THBS2: variants seen among roughly 807,000 people sequenced by gnomAD.
THBS2 encodes thrombospondin-2.
In THBS2, 47 loss-of-function variants were observed where a neutral mutation model predicts 135.2. The ratio of observed to expected loss-of-function variants is 0.35; its 90% confidence interval spans 0.28 to 0.44. THBS2 has a LOEUF of 0.44. Among genes scored for constraint, THBS2 ranks in the 20% least tolerant of loss-of-function variants. The pLI is 1.00. For missense variants in THBS2, 1,288 were observed against 1,603.1 expected (o/e 0.80, Z 3.36); for synonymous variants, 639 against 633.8 (o/e 1.01, Z -0.12).
intron 13 of THBS2, 99 bp downstream of exon 13, chr6:169,231,881 C>T (rs1779847335): frequency 2.3e-6 from 3 of 1,318,604 alleles, no homozygotes; most frequent in South Asian, 1.4e-5. Flanking sequence ...CTTCCAAATT[C>T]CCTGTGCTGC....
chr6:169,220,685 T>C (rs1779392663), intron 20 of THBS2, among the ~76,000 whole-genome samples: 1 of 152,202 alleles, frequency 6.6e-6, no homozygotes, highest in African/African-American at 2.4e-5. Context: ...CTACTTCACC[T>C]TGTGCTAAAA....
At chr6:169,225,878 CTATT>C (rs1779608834) in intron 16 of THBS2, among the ~76,000 whole-genome samples, 1 of 152,250 alleles carries the variant, frequency 6.6e-6, no homozygotes, top group South Asian at 2.1e-4. Flanking sequence ...GTGAAGGCGT[CTATT>C]CATTTGGCCT....
chr6:169,219,036 AGTAG>A (rs1184048325), intron 21 of THBS2, among the ~76,000 whole-genome samples: 2 of 124,608 alleles, frequency 1.6e-5, no homozygotes, highest in Non-Finnish European at 3.4e-5. Flanking sequence ...TGGATGGATG[AGTAG>A]GTGGGTGGAT....
At chr6:169,246,089 A>C (rs550824026) in intron 4 of THBS2, 108 bp downstream of exon 4, 1 of 886,804 alleles carries the variant, frequency 1.1e-6, no homozygotes, top group East Asian at 2.5e-5. Context: ...TTTTACTTAA[A>C]TTTTTACAAG....
chr6:169,251,179 GT>G (rs1780740526), intron 1 of THBS2, among the ~76,000 whole-genome samples: 1 of 152,126 alleles, frequency 6.6e-6, no homozygotes, highest in African/African-American at 2.4e-5. Flanking sequence ...CATACGACTC[GT>G]AGACAGGACT....
intron 9 of THBS2, among the ~76,000 whole-genome samples, chr6:169,236,206 A>C (rs1780053902): frequency 1.5e-5 from 1 of 68,248 alleles, no homozygotes; most frequent in Non-Finnish European, 2.8e-5. Context: ...ATTGCCCCAT[A>C]AACACCATCC....
chr6:169,239,654 T>A lies in THBS2; in HGVS notation c.1074A>T (p.Ala358=). The change falls in exon 7 of 22, where the codon GCA becomes GCT. Residue 358 remains alanine (A), a synonymous_variant. Coordinates refer to ENST00000617924, the MANE Select transcript of THBS2 (RefSeq NM_003247.5). ...TICHQITCPP[A]TCASPSFVEG... is the part of the protein sequence containing the mutation. ...CCACAAAGGATGGACTGGCGCAGGT[T>A]GCAGGCGGGCAGGTGATTTGGTGGC... 6.2e-7 allele frequency: 1 copy of A among 1,606,022 alleles called. No individual in the cohort carries two copies. The highest frequency in any genetic ancestry group is 8.5e-7 in the Non-Finnish European group (1 of 1,176,784).
At chr6:169,245,190 T>C (rs2115027793) in intron 4 of THBS2, among the ~76,000 whole-genome samples, 1 of 152,324 alleles carries the variant, frequency 6.6e-6, no homozygotes, top group East Asian at 1.9e-4. Context: ...GCAGCCCTGC[T>C]CCCTGCTCAC....
In THBS2 at chr6:169,216,469, CAT is replaced by C. The variant is rs1437949348; in HGVS notation, c.*1351_*1352del. On this transcript the variant is annotated 3_prime_UTR_variant, in exon 22 of 22. Transcript: ENST00000617924. ...CAAAAACAAACTTGTGCATATTACA[CAT>C]GACTGATTATTGGGTGTGCCTGGCA... 1 of 151,750 alleles carries C rather than the reference CAT, an allele frequency of 6.6e-6. No individual in the cohort carries two copies. Among genetic ancestry groups the C allele is most frequent in the Non-Finnish European group, 1.5e-5 (1 of 68,010 alleles). The allele number at this position is 151,750 out of a possible 1,614,324, so 9.4% of individuals were successfully genotyped here. A position where few individuals can be genotyped will look rare whatever the true frequency, so the allele number is the denominator to read the frequency against.
chr6:169,226,619 C>A (rs967714564), intron 15 of THBS2, among the ~76,000 whole-genome samples: 1 of 152,154 alleles, frequency 6.6e-6, no homozygotes, highest in African/African-American at 2.4e-5. Context: ...GCTTATTTCT[C>A]CCTAATACCC....
rs376298760 is a variant in THBS2, at chr6:169,233,938, C to A, written c.1651+796G>T. Among the ~76,000 whole-genome samples, 6 of 151,078 alleles carry A rather than the reference C, an allele frequency of 4.0e-5. No individual in the cohort carries two copies. In the East Asian group the frequency reaches 7.7e-4, roughly 19 times the overall value. On this transcript the variant is annotated intron_variant, in intron 10 of 21. Transcript: ENST00000617924. Reference sequence around the variant, plus strand: ...ATGTACCATGTTCCAGACCATACAACTGCCCACGCACCACCTTCTACAACA... The same window carrying A: ...ATGTACCATGTTCCAGACCATACAAATGCCCACGCACCACCTTCTACAACA...
At chr6:169,222,693 G>C (rs1027859253) in intron 18 of THBS2, among the ~76,000 whole-genome samples, 1 of 151,808 alleles carries the variant, frequency 6.6e-6, no homozygotes, top group African/African-American at 2.4e-5. Flanking sequence ...TACTCAGGAG[G>C]CTGAGGCAGG....
chr6:169,250,740 G>A lies in THBS2; in HGVS notation c.45C>T (p.Ser15=). The A allele has an allele frequency of 1.2e-6, 2 of 1,613,550 alleles. No individual in the cohort carries two copies. The highest frequency in any genetic ancestry group is 1.1e-5 in the South Asian group (1 of 90,842). The change falls in exon 2 of 22, where the codon AGC becomes AGT. Residue 15 remains serine, a synonymous_variant. Transcript: ENST00000617924. ...LVLLALWVWP[S]TQAGHQDKDT... ...GGCTCTGAGGACACTCACCTTGCGT[G>A]CTGGGCCACACCCACAGAGCCAGCA...
chr6:169,232,735 G>A lies in THBS2; in HGVS notation c.1861C>T (p.Pro621Ser), dbSNP rs1056763189. 4 of 1,613,878 alleles carry A rather than the reference G, an allele frequency of 2.5e-6. No homozygotes were observed. The African/African-American group carries it at 5.3e-5, about 22-fold the overall frequency. ...VNTQPGFHCL[P>S]CPPRYRGNQP... is the part of the protein sequence containing the mutation. The stretch of plus-strand genomic sequence containing the variant: ...TTCCCTCTGTATCGGGGCGGGCAGG[G>A]CAGGCAGTGGAAGCCAGGCTGAGTG... The change falls in exon 12 of 22, where the codon CCC becomes TCC. Residue 621 changes from proline to serine, a missense_variant. Coordinates refer to ENST00000617924, the MANE Select transcript of THBS2 (RefSeq NM_003247.5).
At chr6:169,218,721 G>A (rs998622353) in intron 21 of THBS2, among the ~76,000 whole-genome samples, 1 of 149,136 alleles carries the variant, frequency 6.7e-6, no homozygotes, top group African/African-American at 2.5e-5. Flanking sequence ...ACAGGTGGAT[G>A]GATGGATGAG....
chr6:169,248,454 T>A lies in THBS2; in HGVS notation c.572A>T (p.Tyr191Phe). 6.2e-7 allele frequency: 1 copy of A among 1,611,966 alleles called. No homozygotes were observed. Among genetic ancestry groups the A allele is most frequent in the Non-Finnish European group, 8.5e-7 (1 of 1,178,274 alleles). ...CTCTCTGGCAGAGCCTTTGGCCACG[T>A]ACATCCGGCTCTTTTCCGCCTGCAG... Reference protein sequence around the residue: ...EHLQAEKSRMYVAKGSARESH... With the variant: ...EHLQAEKSRMFVAKGSARESH... The change falls in exon 3 of 22, where the codon TAC becomes TTC. Residue 191 changes from tyrosine to phenylalanine, a missense_variant. This residue lies in a region of THBS2 where 414 missense variants were observed against 447.0 expected (regional missense o/e 0.93). Transcript: ENST00000617924.
chr6:169,239,331 C>T (rs55770539), intron 7 of THBS2: 60,178 of 507,370 alleles, frequency 0.12, 4,201 homozygotes, highest in Non-Finnish European at 0.15. Context: ...GGCTCACCTG[C>T]GTGACCACTG....
Position 169,252,576 on chromosome 6 carries a change from A to G in THBS2, c.-23+1148T>C, listed in dbSNP as rs190430728. Among the ~76,000 whole-genome samples, 7 of 152,326 alleles carry G rather than the reference A, an allele frequency of 4.6e-5. No homozygotes were observed. The highest frequency in any genetic ancestry group is 8.8e-5 in the Non-Finnish European group (6 of 68,020). Reference sequence around the variant, plus strand: ...TGTCTCTGCCTTGAGGTAGATTCTTACAAGAGCAGGAGGCTAACAAAGCAT... The same window carrying G: ...TGTCTCTGCCTTGAGGTAGATTCTTGCAAGAGCAGGAGGCTAACAAAGCAT... On this transcript the variant is annotated intron_variant, in intron 1 of 21. Coordinates refer to ENST00000617924, the MANE Select transcript of THBS2 (RefSeq NM_003247.5). The surrounding 1 kb of genome is among the most constrained non-coding windows in gnomAD (Gnocchi z 4.3).
In THBS2 at chr6:169,222,687, C is replaced by G. The variant is rs189591079; in HGVS notation, c.3002-219G>C. 3.4e-3 allele frequency among the ~76,000 whole-genome samples: 508 copies of G among 151,312 alleles called. 1 individual carries two copies. The highest frequency in any genetic ancestry group is 4.5e-3 in the Non-Finnish European group (305 of 67,930). ...GTGGGTACCTGTAATCCCAGCTACTCAGGAGGCTGAGGCAGGAGAATCACT... is the reference window on the plus strand; with the variant it reads ...GTGGGTACCTGTAATCCCAGCTACTGAGGAGGCTGAGGCAGGAGAATCACT... On this transcript the variant is annotated intron_variant, in intron 18 of 21. Transcript: ENST00000617924.
Sources: gnomAD v4.1 joint callset for allele counts (sites outside exome capture counted in the v4.1 genomes callset) on GRCh38, gnomAD v4.1.1 for gene constraint, gnomAD v4.1.1 regional missense constraint, Gnocchi (gnomAD v3.1) non-coding constraint, MANE v1.5 for transcripts, NCBI Gene and HGNC (gene_info 2026-07-23, HGNC 2026-07-21) for gene names.